Variants in DLGAP2 observed in about 807,000 individuals in gnomAD.
The protein encoded by DLGAP2 is disks large-associated protein 2.
In DLGAP2, 26 loss-of-function variants were observed where a neutral mutation model predicts 100.3. That is an observed-to-expected ratio of 0.26 (90% CI 0.19 to 0.36). The LOEUF (loss-of-function observed/expected upper bound fraction) is 0.36, where lower values mean the gene tolerates loss of function less well. Among genes scored for constraint, DLGAP2 ranks in the 10% least tolerant of loss-of-function variants. DLGAP2 has a pLI of 1.00. For missense variants in DLGAP2, 1,858 were observed against 1,453.2 expected (o/e 1.28, Z -4.53); for synonymous variants, 886 against 630.1 (o/e 1.41, Z -6.08).
At chr8:1,088,850 A>G (rs571411927) in intron 2 of DLGAP2, among the ~76,000 whole-genome samples, 404 of 11,422 alleles carry the variant, frequency 0.035, 5 homozygotes, top group Admixed American at 0.052. Flanking sequence ...CGCTCCCCCC[A>G]CCCCACTCTC....
At chr8:1,220,722 T>G (rs927962998) in intron 2 of DLGAP2, among the ~76,000 whole-genome samples, 1 of 152,214 alleles carries the variant, frequency 6.6e-6, no homozygotes, top group Non-Finnish European at 1.5e-5. Flanking sequence ...CCACTATTAC[T>G]GTGTGGTTAT....
chr8:1,360,131 C>T (rs1293827538), intron 3 of DLGAP2, among the ~76,000 whole-genome samples: 1 of 152,008 alleles, frequency 6.6e-6, no homozygotes, highest in East Asian at 2.0e-4. Context: ...CAGGGACTTG[C>T]CTTCTGGGTG....
At chr8:1,066,011 A>C (rs6983981) in intron 2 of DLGAP2, among the ~76,000 whole-genome samples, 43,889 of 152,176 alleles carry the variant, frequency 0.29, 6,821 homozygotes, top group Middle Eastern at 0.36. Flanking sequence ...GGTGGTGTCC[A>C]GGCTGTGCAG....
At chr8:867,727 C>A (rs1361963143) in intron 1 of DLGAP2, among the ~76,000 whole-genome samples, 2 of 152,184 alleles carry the variant, frequency 1.3e-5, no homozygotes, top group Non-Finnish European at 2.9e-5. Flanking sequence ...GTAGTGGATG[C>A]AGGTTTCTCA....
intron 2 of DLGAP2, among the ~76,000 whole-genome samples, chr8:1,205,641 G>A (rs183144650): frequency 9.2e-5 from 14 of 152,256 alleles, no homozygotes; most frequent in Admixed American, 3.3e-4. Flanking sequence ...TGCTCAGCTC[G>A]CCTCGGGAAA....
At chr8:768,439 T>TC (rs1472238065) in intron 1 of DLGAP2, among the ~76,000 whole-genome samples, 1 of 147,236 alleles carries the variant, frequency 6.8e-6, no homozygotes, top group African/African-American at 2.5e-5. Flanking sequence ...TTTTTTTTTT[T>TC]TTCTGACATG....
chr8:784,297 C>A (rs1480611904), intron 1 of DLGAP2, among the ~76,000 whole-genome samples: 1 of 152,266 alleles, frequency 6.6e-6, no homozygotes, highest in East Asian at 1.9e-4. Flanking sequence ...ATCTTTCTCA[C>A]AGAAAATTTA....
chr8:926,288 G>A (rs1367019592), intron 2 of DLGAP2, among the ~76,000 whole-genome samples: 1 of 152,178 alleles, frequency 6.6e-6, no homozygotes, highest in African/African-American at 2.4e-5. Flanking sequence ...GCCTAAGCCT[G>A]CTGGCCCTGC....
Position 1,462,205 on chromosome 8 carries a change from G to A in DLGAP2, c.107-39161G>A, listed in dbSNP as rs1335533555. On this transcript the variant is annotated intron_variant, in intron 3 of 14. Transcript: ENST00000637795. ...GCTGGGTGCAGTCACTGATTTGGTG[G>A]CCAGGAGGAGGGAGAAGGGTGGCGT... is the stretch of plus-strand genomic sequence containing the variant. Among the ~76,000 whole-genome samples, 4 of 71,180 alleles carry A rather than the reference G, an allele frequency of 5.6e-5. 1 individual carries two copies. The highest frequency in any genetic ancestry group is 1.0e-4 in the Non-Finnish European group (4 of 38,868). The allele number at this position is 71,180 out of a possible 152,430, so 46.7% of individuals were successfully genotyped here. A position where few individuals can be genotyped will look rare whatever the true frequency, so the allele number is the denominator to read the frequency against.
intron 3 of DLGAP2, among the ~76,000 whole-genome samples, chr8:1,260,013 C>T (rs1799314099): frequency 6.6e-6 from 1 of 152,038 alleles, no homozygotes; most frequent in Non-Finnish European, 1.5e-5. Context: ...CTTTGGACAC[C>T]TGGCATTTCC....
intron 2 of DLGAP2, among the ~76,000 whole-genome samples, chr8:1,115,138 T>G (rs1281347277): frequency 6.6e-6 from 1 of 152,252 alleles, no homozygotes; most frequent in African/African-American, 2.4e-5. Context: ...GTGTGTGCCA[T>G]GTGGCAATAA....
intron 1 of DLGAP2, among the ~76,000 whole-genome samples, chr8:787,374 C>T (rs899083772): frequency 6.6e-6 from 1 of 152,226 alleles, no homozygotes; most frequent in African/African-American, 2.4e-5. Flanking sequence ...CCTGGTTAGC[C>T]ATGCTCGTTG....
intron 2 of DLGAP2, among the ~76,000 whole-genome samples, chr8:1,074,591 A>G (rs1337300024): frequency 1.3e-5 from 2 of 152,198 alleles, no homozygotes; most frequent in East Asian, 3.9e-4. Context: ...CTTCTTACCA[A>G]GAGCAAGCCT....
intron 2 of DLGAP2, among the ~76,000 whole-genome samples, chr8:973,093 G>A (rs1163866857): frequency 5.3e-5 from 8 of 152,290 alleles, no homozygotes; most frequent in South Asian, 2.1e-4. Flanking sequence ...CGACAAAACC[G>A]CCATCGTCAT....
chr8:1,358,861 G>C (rs1321687701), intron 3 of DLGAP2, among the ~76,000 whole-genome samples: 1 of 150,706 alleles, frequency 6.6e-6, no homozygotes, highest in Non-Finnish European at 1.5e-5. Context: ...GGCAGGGCGT[G>C]GGCTGTCTGC....
chr8:1,489,878 T>G (rs1308665508), intron 3 of DLGAP2, among the ~76,000 whole-genome samples: 1 of 152,132 alleles, frequency 6.6e-6, no homozygotes, highest in Non-Finnish European at 1.5e-5. Context: ...AATTGGGCAT[T>G]CCAAGATTAA....
intron 3 of DLGAP2, among the ~76,000 whole-genome samples, chr8:1,465,384 G>A (rs988526608): frequency 3.3e-5 from 5 of 151,876 alleles, no homozygotes; most frequent in East Asian, 1.9e-4. Context: ...TGAGCAGAGC[G>A]AAGGGAAGAG....
chr8:1,234,264 C>T (rs558820456), intron 2 of DLGAP2, among the ~76,000 whole-genome samples: 6 of 152,314 alleles, frequency 3.9e-5, no homozygotes, highest in East Asian at 1.9e-4. Flanking sequence ...CAGGAATGCA[C>T]GTCTCACCGC....
At chr8:1,462,691 G>A (rs1044907069) in intron 3 of DLGAP2, among the ~76,000 whole-genome samples, 2 of 152,164 alleles carry the variant, frequency 1.3e-5, no homozygotes, top group East Asian at 3.9e-4. Context: ...CAGCGTGGGT[G>A]GCTGGGGAAG....
Sources: gnomAD v4.1 joint callset for allele counts (sites outside exome capture counted in the v4.1 genomes callset) on GRCh38, gnomAD v4.1.1 for gene constraint, MANE v1.5 for transcripts, NCBI Gene and HGNC (gene_info 2026-07-23, HGNC 2026-07-21) for gene names.